GRHL2: variants seen among roughly 807,000 people sequenced by gnomAD.
GRHL2 encodes grainyhead like transcription factor 2, also known as grainyhead-like protein 2 homolog.
In GRHL2, 21 loss-of-function variants were observed where a neutral mutation model predicts 83.8. The ratio of observed to expected loss-of-function variants is 0.25; its 90% CI spans 0.18 to 0.36. The LOEUF is 0.36. GRHL2 is among the 10% of genes least tolerant of loss of function. The probability of loss-of-function intolerance (pLI) is 1.00; values close to 1 mark genes in which losing one functional copy is unlikely to be tolerated. For missense variants in GRHL2, 623 were observed against 781.8 expected, an observed-to-expected ratio of 0.80 and a Z score of 2.42; for synonymous variants, 280 against 278.9, an observed-to-expected ratio of 1.00 and a Z score of -0.04.
chr8:101,643,990 A>T, intron 12 of GRHL2, 141 bp from the exon 13 acceptor site: 1 of 722,910 alleles, frequency 1.4e-6, no homozygotes, highest in African/African-American at 1.7e-5. Context: ...TGCAAGGGGA[A>T]GAAGGAGGTT....
At chr8:101,600,225 G>A (rs1421140235) in intron 8 of GRHL2, among the ~76,000 whole-genome samples, 1 of 152,274 alleles carries the variant, frequency 6.6e-6, no homozygotes, top group Non-Finnish European at 1.5e-5. Context: ...TAGAGTGCCC[G>A]TACAGCCTGG....
intron 1 of GRHL2, among the ~76,000 whole-genome samples, chr8:101,502,808 C>G (rs1810257880): frequency 6.6e-6 from 1 of 151,348 alleles, no homozygotes; most frequent in Non-Finnish European, 1.5e-5. Context: ...TCTTTCTTCT[C>G]CTTCTCTTCT....
rs559180488 is a variant in GRHL2 at position 101,601,247 on chromosome 8, A to G, written c.1098+2096A>G. On this transcript the variant is annotated intron_variant, in intron 8 of 15. Coordinates refer to ENST00000646743, the MANE Select transcript of GRHL2 (RefSeq NM_024915.4). ...CAACAACAAAACAAATGTTAAGGCA[A>G]GCTATAACTATGAGCTGTAATCATT... is the stretch of plus-strand genomic sequence containing the variant. Among the ~76,000 whole-genome samples, 273 of 152,266 alleles carry G rather than the reference A, an allele frequency of 1.8e-3. 1 individual carries two copies. Among genetic ancestry groups the G allele is most frequent in the Non-Finnish European group, 2.8e-3 (189 of 68,026 alleles).
chr8:101,645,781 A>G (rs1563623320), intron 13 of GRHL2, among the ~76,000 whole-genome samples: 1 of 152,248 alleles, frequency 6.6e-6, no homozygotes, highest in Non-Finnish European at 1.5e-5. Context: ...TGATATTATC[A>G]TAACTGTGGA....
chr8:101,502,394 C>A (rs1810248302), intron 1 of GRHL2, among the ~76,000 whole-genome samples: 1 of 152,194 alleles, frequency 6.6e-6, no homozygotes, highest in Admixed American at 6.5e-5. Context: ...TCACCTCCTT[C>A]ACCAAAATCA....
chr8:101,624,537 G>T (rs1405518675), intron 9 of GRHL2, among the ~76,000 whole-genome samples: 3 of 8,212 alleles, frequency 3.7e-4, no homozygotes, highest in Non-Finnish European at 6.8e-4. Flanking sequence ...ACAGTTCAGA[G>T]TACACAGTAG....
intron 9 of GRHL2, among the ~76,000 whole-genome samples, chr8:101,622,019 A>G (rs867421415): frequency 6.6e-6 from 1 of 152,250 alleles, no homozygotes. Flanking sequence ...AACAGAAAGC[A>G]TATGTATTTA....
chr8:101,619,325 A>G (rs1812917093), intron 8 of GRHL2, among the ~76,000 whole-genome samples: 2 of 152,200 alleles, frequency 1.3e-5, no homozygotes, highest in African/African-American at 4.8e-5. Context: ...GGTCTGTTTC[A>G]AGATTAAATA....
At chr8:101,515,724 T>A (rs978705205) in intron 1 of GRHL2, among the ~76,000 whole-genome samples, 3 of 152,182 alleles carry the variant, frequency 2.0e-5, no homozygotes, top group African/African-American at 7.2e-5. Context: ...TTGACCTTCC[T>A]CTTCCCTTCC....
At chr8:101,582,154 C>T (rs111905010) in intron 7 of GRHL2, among the ~76,000 whole-genome samples, 35 of 150,570 alleles carry the variant, frequency 2.3e-4, no homozygotes, top group African/African-American at 8.5e-4. Flanking sequence ...AGGAGAATCC[C>T]TTGAACCCAG....
rs551768494 is a variant in GRHL2, at chr8:101,597,497, G to A, written c.1004-1560G>A. Among the ~76,000 whole-genome samples, 163 of 152,250 alleles carry A rather than the reference G, an allele frequency of 1.1e-3. 3 individuals carry two copies. The highest frequency in any genetic ancestry group is 3.7e-3 in the African/African-American group (155 of 41,536). On this transcript the variant is annotated intron_variant, in intron 7 of 15. Coordinates refer to ENST00000646743, the MANE Select transcript of GRHL2 (RefSeq NM_024915.4). ...CATATACACCATGGAATACTATGCA[G>A]CCATAAAAAATGATGAGTTCATGTC...
chr8:101,598,909 C>G (rs1399050133), intron 7 of GRHL2, 148 bp from the exon 8 acceptor site: 4 of 653,264 alleles, frequency 6.1e-6, no homozygotes, highest in Non-Finnish European at 1.1e-5. Context: ...AAAAGAACAT[C>G]AGTGAGCACC....
chr8:101,651,734 G>A (rs911275534), intron 14 of GRHL2, among the ~76,000 whole-genome samples: 3 of 152,202 alleles, frequency 2.0e-5, no homozygotes, highest in Non-Finnish European at 2.9e-5. Context: ...TACAGTGTGA[G>A]GGGTGGGGAT....
chr8:101,509,157 C>CTTTCTTTCTTT (rs1554581566), intron 1 of GRHL2, among the ~76,000 whole-genome samples: 2 of 27,406 alleles, frequency 7.3e-5, no homozygotes, highest in Non-Finnish European at 2.1e-4. Context: ...TTCCTTCCTT[C>CTTTCTTTCTTT]CTTTCTTTCT....
In GRHL2 at chr8:101,612,013, G is replaced by A. The variant is rs148752962; in HGVS notation, c.1099-7526G>A. Reference sequence around the variant, plus strand: ...TTTCTCTTTTTTGAGATGGAGTCTCGCTCGCTCTGTCACCTAGGCTGGATG... The same window carrying A: ...TTTCTCTTTTTTGAGATGGAGTCTCACTCGCTCTGTCACCTAGGCTGGATG... On this transcript the variant is annotated intron_variant, in intron 8 of 15. Transcript: ENST00000646743. Among the ~76,000 whole-genome samples the A allele has an allele frequency of 5.3e-3, 800 of 150,604 alleles. 36 individuals carry two copies. The highest frequency in any genetic ancestry group is 0.049 in the East Asian group (254 of 5,150).
chr8:101,605,094 A>C (rs919363761), intron 8 of GRHL2, among the ~76,000 whole-genome samples: 1 of 152,206 alleles, frequency 6.6e-6, no homozygotes, highest in Non-Finnish European at 1.5e-5. Flanking sequence ...GACCTTCCAG[A>C]CAGGAAGTTG....
Position 101,649,502 on chromosome 8 carries a change from A to G in GRHL2, c.1698+3A>G, listed in dbSNP as rs1488048521. ...CAGTGAAGGGCCTGATGGAAGCGGT[A>G]AGCCATATACTCCTTTCAGCCTCCA... On this transcript the variant is annotated splice_donor_region_variant and intron_variant, in intron 14 of 15. Coordinates refer to ENST00000646743, the MANE Select transcript of GRHL2 (RefSeq NM_024915.4). 2.5e-6 allele frequency: 4 copies of G among 1,610,058 alleles called. No individual in the cohort carries two copies. The highest frequency in any genetic ancestry group is 3.4e-6 in the Non-Finnish European group (4 of 1,176,624).
At chr8:101,660,601 TATTTC>T (rs1407576274) in intron 14 of GRHL2, among the ~76,000 whole-genome samples, 1 of 152,002 alleles carries the variant, frequency 6.6e-6, no homozygotes, top group Non-Finnish European at 1.5e-5. Context: ...TTTTGTTTAT[TATTTC>T]ATTTTGTGGC....
intron 1 of GRHL2, among the ~76,000 whole-genome samples, chr8:101,531,676 A>G (rs1586067613): frequency 6.6e-6 from 1 of 151,852 alleles, no homozygotes; most frequent in African/African-American, 2.4e-5. Context: ...TTCACTTTCT[A>G]TTGTTATATC....
Sources: gnomAD v4.1 joint callset for allele counts (sites outside exome capture counted in the v4.1 genomes callset) on GRCh38, gnomAD v4.1.1 for gene constraint, MANE v1.5 for transcripts, NCBI Gene and HGNC (gene_info 2026-07-23, HGNC 2026-07-21) for gene names.